The following FSD1L variants were observed in gnomAD, a reference collection of about 807,000 sequenced individuals.
FSD1L encodes fibronectin type III and SPRY domain containing 1 like.
FSD1L carries 45 observed loss-of-function variants against 71.6 expected under a neutral mutation model. That is an observed-to-expected ratio of 0.63 (90% confidence interval 0.49 to 0.81). The LOEUF is 0.81. FSD1L is among the 30% of genes least tolerant of loss of function. The probability of loss-of-function intolerance (pLI) is 0.00; values close to 1 mark genes in which losing one functional copy is unlikely to be tolerated. For synonymous variants in FSD1L, 197 were observed against 207.2 expected (o/e 0.95, Z 0.42); for missense variants, 561 against 618.1 (o/e 0.91, Z 0.98).
chr9:105,470,454 G>T (rs1415877649), intron 4 of FSD1L, among the ~76,000 whole-genome samples: 1 of 151,922 alleles, frequency 6.6e-6, no homozygotes, highest in Non-Finnish European at 1.5e-5. Context: ...TGGGTGTCTA[G>T]GTCTCATGCT....
At chr9:105,456,330 G>A (rs556040768) in intron 1 of FSD1L, among the ~76,000 whole-genome samples, 8 of 152,150 alleles carry the variant, frequency 5.3e-5, no homozygotes, top group Non-Finnish European at 1.0e-4. Context: ...TTCCTCATTG[G>A]AAAATGAGGA....
At position 105,534,608 on chromosome 9, in the gene FSD1L, A is replaced by G. The variant is rs1836144439; in HGVS notation, c.1126+15A>G. On this transcript the variant is annotated intron_variant, in intron 11 of 13. Coordinates refer to ENST00000481272, the MANE Select transcript of FSD1L (RefSeq NM_001145313.3). ...CACAGTGCTGGGTAGGACAAAACAT[A>G]ATTGTTTTTCATTATCTCAGATTAA... 7.1e-7 allele frequency: 1 copy of G among 1,411,496 alleles called. No homozygotes were observed. The highest frequency in any genetic ancestry group is 9.7e-7 in the Non-Finnish European group (1 of 1,027,480). 87.4% of individuals were successfully genotyped at this position (1,411,496 alleles called of 1,614,324 possible).
chr9:105,461,451 T>C (rs1457996696), intron 1 of FSD1L, 69 bp from the exon 2 acceptor site: 6 of 632,388 alleles, frequency 9.5e-6, no homozygotes, highest in Middle Eastern at 3.2e-4. Flanking sequence ...TTAAAATTAA[T>C]TTATCCTGTT....
intron 1 of FSD1L, among the ~76,000 whole-genome samples, chr9:105,457,936 C>G (rs1394212947): frequency 6.6e-6 from 1 of 152,242 alleles, no homozygotes; most frequent in Non-Finnish European, 1.5e-5. Flanking sequence ...GTGCCTGCGT[C>G]TGGATGAAGT....
chr9:105,521,784 A>G (rs4742650), intron 10 of FSD1L: 1,036,834 of 1,612,294 alleles, frequency 0.64, 335,536 homozygotes, highest in African/African-American at 0.77. Context: ...TCTTCATAAC[A>G]CCTCTGAAGA....
At chr9:105,511,656 A>T (rs1834401182) in intron 9 of FSD1L, among the ~76,000 whole-genome samples, 1 of 152,108 alleles carries the variant, frequency 6.6e-6, no homozygotes, top group Non-Finnish European at 1.5e-5. Flanking sequence ...GTAGATTTGT[A>T]TTCAGAATGT....
intron 1 of FSD1L, among the ~76,000 whole-genome samples, chr9:105,456,943 G>A (rs1307896601): frequency 1.3e-5 from 2 of 152,088 alleles, no homozygotes; most frequent in African/African-American, 2.4e-5. Flanking sequence ...TTATCCATCA[G>A]TGTTTGTAAG....
chr9:105,502,193 T>C (rs1833802649), intron 7 of FSD1L, among the ~76,000 whole-genome samples: 1 of 152,200 alleles, frequency 6.6e-6, no homozygotes, highest in African/African-American at 2.4e-5. Flanking sequence ...GCAAGTTACT[T>C]TGACATCTTT....
intron 10 of FSD1L, among the ~76,000 whole-genome samples, chr9:105,533,414 A>ATTTTTTTTTTTTTTTTTTTTTTTTTTTT (rs1271918066): frequency 3.7e-4 from 5 of 13,362 alleles, no homozygotes; most frequent in Admixed American, 9.4e-4. Context: ...TGCCATTTCC[A>ATTTTTTTTTTTTTTTTTTTTTTTTTTTT]TCTTTTTTTT....
chr9:105,447,324 CAAAAAA>C (rs35514046), upstream of FSD1L, among the ~76,000 whole-genome samples: 28 of 61,554 alleles, frequency 4.5e-4, no homozygotes, highest in African/African-American at 1.4e-3. Flanking sequence ...ACTCCATCTC[CAAAAAA>C]AAAAAAAAAA....
chr9:105,495,221 A>C (rs1833281990), intron 7 of FSD1L, among the ~76,000 whole-genome samples: 1 of 152,130 alleles, frequency 6.6e-6, no homozygotes, highest in Non-Finnish European at 1.5e-5. Context: ...CCCCTCCCCT[A>C]GCCTCGCTGC....
intron 8 of FSD1L, among the ~76,000 whole-genome samples, chr9:105,507,362 G>A (rs569846332): frequency 2.0e-5 from 3 of 152,264 alleles, no homozygotes; most frequent in African/African-American, 7.2e-5. Flanking sequence ...TGCTTATTAC[G>A]CATGAGGAGT....
chr9:105,548,007 C>T lies in FSD1L; in HGVS notation c.*1524C>T, dbSNP rs931207342. On this transcript the variant is annotated 3_prime_UTR_variant, in exon 14 of 14. Coordinates refer to ENST00000481272, the MANE Select transcript of FSD1L (RefSeq NM_001145313.3). ...TCATTCTCTCTAAAAATTTACTGCC[C>T]ACTGATAGGATGTTTTGTTTCCTTG... 6 of 151,958 alleles carry T rather than the reference C, an allele frequency of 3.9e-5. No homozygotes were observed. Among genetic ancestry groups the T allele is most frequent in the Non-Finnish European group, 8.8e-5 (6 of 67,940 alleles). The allele number at this position is 151,958 out of a possible 1,614,324, so 9.4% of individuals were successfully genotyped here. A position where few individuals can be genotyped will look rare whatever the true frequency, so the allele number is the denominator to read the frequency against.
chr9:105,495,473 C>A (rs577949736), intron 7 of FSD1L, among the ~76,000 whole-genome samples: 1 of 152,328 alleles, frequency 6.6e-6, no homozygotes, highest in African/African-American at 2.4e-5. Flanking sequence ...AATGCCTCGC[C>A]CTGCTTCGGC....
chr9:105,461,582 C>G lies in FSD1L; in HGVS notation c.78C>G (p.Ile26Met). The change falls in exon 2 of 14, where the codon ATC (isoleucine) becomes ATG (methionine). Residue 26 changes from isoleucine (I) to methionine (M), a missense_variant. This residue lies in a region of FSD1L where 410 missense variants were observed against 413.5 expected (regional missense o/e 0.99). Transcript: ENST00000481272. ...VDKACFLISN[I>M]TIGPESINLQ... ...AAGCCTGTTTTCTGATCTCTAACAT[C>G]ACTATTGGACCAGAGTCTATTAACT... 6.4e-7 allele frequency: 1 copy of G among 1,551,424 alleles called. No homozygotes were observed. The highest frequency in any genetic ancestry group is 1.4e-5 in the African/African-American group (1 of 73,120).
intron 7 of FSD1L, among the ~76,000 whole-genome samples, chr9:105,486,793 A>G (rs1832579342): frequency 6.6e-6 from 1 of 152,174 alleles, no homozygotes; most frequent in African/African-American, 2.4e-5. Context: ...AAAAAAATAT[A>G]TGCATGTGGT....
At chr9:105,475,816 G>T in intron 5 of FSD1L, among the ~76,000 whole-genome samples, 1 of 152,104 alleles carries the variant, frequency 6.6e-6, no homozygotes, top group East Asian at 1.9e-4. Context: ...TCTTTCAAAT[G>T]ATCATGCTTT....
Position 105,508,675 on chromosome 9 carries a change from G to A in FSD1L, c.855G>A (p.Val285=), listed in dbSNP as rs1019797271. The A allele has an allele frequency of 1.3e-6, 2 of 1,551,232 alleles. No individual in the cohort carries two copies. Among genetic ancestry groups the A allele is most frequent in the African/African-American group, 2.7e-5 (2 of 73,024 alleles). Residue 285 remains valine (V), a synonymous_variant, in exon 9 of 14, where the codon GTG becomes GTA. Transcript: ENST00000481272. ...NFRVRACNKA[V]AGEYSDPVTL... is the part of the protein sequence containing the mutation. ...GAGTGCGAGCTTGTAACAAGGCTGT[G>A]GCTGGAGAGTATTCTGATCCAGTGA...
intron 10 of FSD1L, chr9:105,530,651 GA>G: frequency 1.5e-6 from 1 of 653,234 alleles, no homozygotes; most frequent in South Asian, 1.7e-5. Flanking sequence ...ATATTTTTCA[GA>G]ATGCATGTTT....
Sources: gnomAD v4.1 joint callset for allele counts (sites outside exome capture counted in the v4.1 genomes callset) on GRCh38, gnomAD v4.1.1 for gene constraint, gnomAD v4.1.1 regional missense constraint, MANE v1.5 for transcripts, NCBI Gene and HGNC (gene_info 2026-07-23, HGNC 2026-07-21) for gene names.